The following SORCS3 variants were observed in gnomAD, a reference collection of about 807,000 sequenced individuals.
SORCS3 encodes VPS10 domain-containing receptor SorCS3.
SORCS3 carries 57 observed loss-of-function variants against 146.3 expected under a neutral mutation model. That is an observed-to-expected ratio of 0.39 (90% CI 0.31 to 0.49). The LOEUF is 0.49. Among genes scored for constraint, SORCS3 ranks in the 20% least tolerant of loss-of-function variants. SORCS3 has a pLI of 0.92. For synonymous variants in SORCS3, 653 were observed against 618.5 expected (o/e 1.06, Z -0.83); for missense variants, 1,341 against 1,575.5 (o/e 0.85, Z 2.52).
At chr10:105,068,650 G>A (rs1467001358) in intron 5 of SORCS3, among the ~76,000 whole-genome samples, 1 of 152,198 alleles carries the variant, frequency 6.6e-6, no homozygotes, top group African/African-American at 2.4e-5. Flanking sequence ...ACATTAGTGA[G>A]TCATGATTCC....
chr10:104,787,776 T>C (rs1589499221), intron 1 of SORCS3, among the ~76,000 whole-genome samples: 1 of 152,226 alleles, frequency 6.6e-6, no homozygotes, highest in Non-Finnish European at 1.5e-5. Context: ...CCCGCTACCC[T>C]GGCCCCGAAT....
intron 1 of SORCS3, among the ~76,000 whole-genome samples, chr10:104,718,801 G>A (rs994603918): frequency 3.9e-5 from 6 of 152,136 alleles, no homozygotes; most frequent in African/African-American, 9.7e-5. Flanking sequence ...CAGGAAAGTG[G>A]GAGAAATGTT....
chr10:105,090,560 C>T (rs2055694685), intron 6 of SORCS3, among the ~76,000 whole-genome samples: 10 of 152,038 alleles, frequency 6.6e-5, no homozygotes, highest in Admixed American at 6.6e-4. Flanking sequence ...TCAGCTTAAA[C>T]AAAAATATAT....
chr10:104,976,615 T>C (rs2054898885), intron 3 of SORCS3, among the ~76,000 whole-genome samples: 1 of 152,176 alleles, frequency 6.6e-6, no homozygotes, highest in African/African-American at 2.4e-5. Context: ...TGCACACATA[T>C]GTTTATTGCA....
intron 2 of SORCS3, among the ~76,000 whole-genome samples, chr10:104,895,114 G>A (rs1336960162): frequency 6.6e-6 from 1 of 152,232 alleles, no homozygotes; most frequent in Non-Finnish European, 1.5e-5. Flanking sequence ...CATGACAGGA[G>A]CTGTCAGGGA....
intron 20 of SORCS3, among the ~76,000 whole-genome samples, chr10:105,242,626 AT>A (rs1394320116): frequency 2.0e-5 from 2 of 102,140 alleles, no homozygotes; most frequent in African/African-American, 8.2e-5. Context: ...ATTTATATAT[AT>A]TTATATACAT....
intron 1 of SORCS3, among the ~76,000 whole-genome samples, chr10:104,721,978 C>T (rs1321307140): frequency 2.0e-5 from 3 of 152,108 alleles, no homozygotes; most frequent in Non-Finnish European, 2.9e-5. Flanking sequence ...TTTCCTTCTC[C>T]TGCCTGATTG....
chr10:105,250,924 C>A (rs1218550949), intron 22 of SORCS3, among the ~76,000 whole-genome samples: 1 of 152,144 alleles, frequency 6.6e-6, no homozygotes, highest in Non-Finnish European at 1.5e-5. Flanking sequence ...AGCCTAATTC[C>A]AAATAGGAAT....
At chr10:105,204,451 A>G (rs886135518) in intron 16 of SORCS3, among the ~76,000 whole-genome samples, 2 of 152,194 alleles carry the variant, frequency 1.3e-5, no homozygotes, top group Admixed American at 1.3e-4. Flanking sequence ...AATATAAGGT[A>G]GAATGTTTCC....
At chr10:105,218,770 AC>A (rs1478610672) in intron 19 of SORCS3, among the ~76,000 whole-genome samples, 18 of 152,198 alleles carry the variant, frequency 1.2e-4, no homozygotes, top group African/African-American at 4.3e-4. Flanking sequence ...TAATCCCAGC[AC>A]TTTGGGAGGC....
rs145968036 is a variant in SORCS3 at position 104,790,790 on chromosome 10, C to T, written c.628-52002C>T. Among the ~76,000 whole-genome samples, 22 of 152,308 alleles carry T rather than the reference C, an allele frequency of 1.4e-4. 2 individuals are homozygous for T. The South Asian group carries it at 1.4e-3, about 10-fold the overall frequency. ...TGAAATGAGCAAAACATGGTCTCAA[C>T]GCTAATGACATTTACCTTTAGCAGA... On this transcript the variant is annotated intron_variant, in intron 1 of 26. Coordinates refer to ENST00000369701, the MANE Select transcript of SORCS3 (RefSeq NM_014978.3).
intron 5 of SORCS3, among the ~76,000 whole-genome samples, chr10:105,059,150 T>A (rs1314744314): frequency 6.6e-6 from 1 of 152,028 alleles, no homozygotes; most frequent in South Asian, 2.1e-4. Context: ...GGGAGACAAA[T>A]TAGTGGAGTC....
intron 13 of SORCS3, among the ~76,000 whole-genome samples, chr10:105,177,280 G>A (rs2056412293): frequency 6.6e-6 from 1 of 152,196 alleles, no homozygotes; most frequent in African/African-American, 2.4e-5. Flanking sequence ...GATAGAGGAT[G>A]AAGAAACTAA....
In SORCS3 at chr10:104,735,456, G is replaced by GTTTTTTTTTTTTTTTTTT. The variant is rs56203751; in HGVS notation, c.627+93506_627+93523dup. Among the ~76,000 whole-genome samples the GTTTTTTTTTTTTTTTTTT allele has an allele frequency of 3.9e-3, 137 of 34,976 alleles. 22 individuals are homozygous for GTTTTTTTTTTTTTTTTTT. Among genetic ancestry groups the GTTTTTTTTTTTTTTTTTT allele is most frequent in the East Asian group, 0.017 (11 of 632 alleles). 22.9% of individuals were successfully genotyped at this position (34,976 alleles called of 152,430 possible). ...CGGTATTCATGAGCTCTCACCGTCT[G>GTTTTTTTTTTTTTTTTTT]TTTTTTTTTTTTTTTTTTTTTAATC... is the stretch of plus-strand genomic sequence containing the variant. On this transcript the variant is annotated intron_variant, in intron 1 of 26. Transcript: ENST00000369701.
At chr10:104,813,512 G>A (rs1396128733) in intron 1 of SORCS3, among the ~76,000 whole-genome samples, 3 of 152,122 alleles carry the variant, frequency 2.0e-5, no homozygotes, top group Non-Finnish European at 4.4e-5. Flanking sequence ...AACATTTGTG[G>A]AAGGATTGAA....
At chr10:104,794,804 A>C (rs1303403694) in intron 1 of SORCS3, among the ~76,000 whole-genome samples, 1 of 152,198 alleles carries the variant, frequency 6.6e-6, no homozygotes, top group Non-Finnish European at 1.5e-5. Context: ...CATCAGAAAC[A>C]AATTCCTTGG....
chr10:105,011,842 G>T (rs1429357955), intron 4 of SORCS3, among the ~76,000 whole-genome samples: 1 of 152,120 alleles, frequency 6.6e-6, no homozygotes, highest in Non-Finnish European at 1.5e-5. Context: ...AACAGAACCA[G>T]AAACCCTTCC....
At chr10:105,032,827 A>G (rs938672769) in intron 4 of SORCS3, among the ~76,000 whole-genome samples, 14 of 152,164 alleles carry the variant, frequency 9.2e-5, no homozygotes, top group African/African-American at 3.1e-4. Context: ...AAAGCAGGCA[A>G]TAAAGTAGAT....
chr10:105,101,371 T>C (rs1026297961), intron 6 of SORCS3, among the ~76,000 whole-genome samples: 5 of 152,172 alleles, frequency 3.3e-5, no homozygotes, highest in Non-Finnish European at 7.3e-5. Flanking sequence ...AGTTTCCCCA[T>C]GCCCCTACTT....
Sources: gnomAD v4.1 joint callset for allele counts (sites outside exome capture counted in the v4.1 genomes callset) on GRCh38, gnomAD v4.1.1 for gene constraint, MANE v1.5 for transcripts, NCBI Gene and HGNC (gene_info 2026-07-23, HGNC 2026-07-21) for gene names.